Variants in MCUB observed in about 807,000 individuals in gnomAD.
MCUB encodes the protein calcium uniporter regulatory subunit MCUb, mitochondrial.
In MCUB, 46 loss-of-function variants were observed where a neutral mutation model predicts 41.4. The observed-to-expected ratio is 1.11, with a 90% confidence interval of 0.88 to 1.42. The LOEUF (loss-of-function observed/expected upper bound fraction) is 1.42, where lower values mean the gene tolerates loss of function less well. MCUB is among the 40% of genes most tolerant of loss of function. The pLI is 0.00. For synonymous variants in MCUB, 148 were observed against 148.2 expected (o/e 1.00, Z 0.01); for missense variants, 403 against 404.9 (o/e 1.00, Z 0.04).
rs759927967 is a variant in MCUB, at chr4:109,684,431, A to G, written c.613-12A>G. 2.5e-6 allele frequency: 4 copies of G among 1,589,244 alleles called. No individual in the cohort carries two copies. The South Asian group carries it at 4.6e-5, about 18-fold the overall frequency. On this transcript the variant is annotated splice_polypyrimidine_tract_variant and intron_variant, in intron 5 of 7. Transcript: ENST00000394650. ...TTGTAAACAGAATTAACAGTTTTTC[A>G]TTCCCCCTCAGGTGAAAGCTGGAAT...
chr4:109,678,250 T>C (rs1321855674), intron 4 of MCUB, among the ~76,000 whole-genome samples: 1 of 152,122 alleles, frequency 6.6e-6, no homozygotes, highest in Non-Finnish European at 1.5e-5. Flanking sequence ...CTGATCTCTC[T>C]TTCTTTTCCC....
At chr4:109,564,006 G>A (rs988414084) in intron 1 of MCUB, among the ~76,000 whole-genome samples, 2 of 152,202 alleles carry the variant, frequency 1.3e-5, no homozygotes, top group African/African-American at 4.8e-5. Flanking sequence ...ACCCTTGCCA[G>A]TCTTCAAGAT....
chr4:109,660,386 A>C, intron 3 of MCUB, 21 bp downstream of exon 3: 1 of 1,461,642 alleles, frequency 6.8e-7, no homozygotes, highest in Non-Finnish European at 9.4e-7. Flanking sequence ...ATATAATTTT[A>C]CAACTTTGTC....
intron 1 of MCUB, among the ~76,000 whole-genome samples, chr4:109,626,975 G>T (rs934735888): frequency 6.6e-6 from 1 of 152,038 alleles, no homozygotes; most frequent in Non-Finnish European, 1.5e-5. Flanking sequence ...ATTTTATTTG[G>T]AGATATTTGT....
At chr4:109,652,927 A>G (rs1369335840) in intron 1 of MCUB, among the ~76,000 whole-genome samples, 1 of 152,168 alleles carries the variant, frequency 6.6e-6, no homozygotes, top group African/African-American at 2.4e-5. Context: ...AGTGAACCAG[A>G]CCAAGTCCCT....
At chr4:109,661,535 A>G (rs1729231460) in intron 3 of MCUB, among the ~76,000 whole-genome samples, 1 of 152,226 alleles carries the variant, frequency 6.6e-6, no homozygotes, top group Non-Finnish European at 1.5e-5. Flanking sequence ...TGCAGAGAAC[A>G]AAAGGGATAA....
chr4:109,585,217 C>G (rs1052237092), intron 1 of MCUB, among the ~76,000 whole-genome samples: 1 of 152,144 alleles, frequency 6.6e-6, no homozygotes, highest in African/African-American at 2.4e-5. Flanking sequence ...TTCTTTGTCT[C>G]TTTTGATCTT....
intron 1 of MCUB, among the ~76,000 whole-genome samples, chr4:109,585,866 C>T (rs963724640): frequency 2.6e-5 from 4 of 152,176 alleles, no homozygotes; most frequent in Non-Finnish European, 5.9e-5. Context: ...ACCTTTCTGG[C>T]TGCCCTTAAC....
At chr4:109,666,550 G>A (rs1284234116) in intron 4 of MCUB, among the ~76,000 whole-genome samples, 1 of 141,558 alleles carries the variant, frequency 7.1e-6, no homozygotes, top group Non-Finnish European at 1.6e-5. Flanking sequence ...GATGTATGAT[G>A]ATGAGCATCT....
In MCUB at chr4:109,630,267, A is replaced by G. The variant is rs145650107; in HGVS notation, c.100-28744A>G. ...CTTGAGGCAGGAATTCAAGACCAGC[A>G]TGGTCAACATAGCAATACCTTGTCT... On this transcript the variant is annotated intron_variant, in intron 1 of 7. Coordinates refer to ENST00000394650, the MANE Select transcript of MCUB (RefSeq NM_017918.5). Among the ~76,000 whole-genome samples the G allele has an allele frequency of 8.7e-4, 132 of 152,258 alleles. 2 individuals carry two copies. In the East Asian group the frequency reaches 0.021, roughly 24 times the overall value.
intron 1 of MCUB, among the ~76,000 whole-genome samples, chr4:109,634,776 G>C (rs1341443971): frequency 6.6e-6 from 1 of 152,032 alleles, no homozygotes; most frequent in Non-Finnish European, 1.5e-5. Flanking sequence ...AAAGGAAAAG[G>C]GGTCCTTGGA....
At chr4:109,649,640 T>G (rs1728915128) in intron 1 of MCUB, among the ~76,000 whole-genome samples, 1 of 152,214 alleles carries the variant, frequency 6.6e-6, no homozygotes, top group Admixed American at 6.5e-5. Flanking sequence ...TCTTTTTTTT[T>G]CAGGCATTAT....
At chr4:109,649,248 C>G (rs1728907183) in intron 1 of MCUB, among the ~76,000 whole-genome samples, 1 of 152,150 alleles carries the variant, frequency 6.6e-6, no homozygotes, top group Non-Finnish European at 1.5e-5. Context: ...GCATTCTGTT[C>G]ATCCTGATTT....
In MCUB at chr4:109,659,100, C is replaced by A. The variant is rs1419701326; in HGVS notation, c.175+14C>A. ...TGCCACCTGATGGTAAGCTTTCTTA[C>A]CATTTATTTGATTCATATGTTAATT... On this transcript the variant is annotated intron_variant, in intron 2 of 7. Coordinates refer to ENST00000394650, the MANE Select transcript of MCUB (RefSeq NM_017918.5). 8.9e-6 allele frequency: 12 copies of A among 1,342,232 alleles called. No individual in the cohort carries two copies. The highest frequency in any genetic ancestry group is 1.3e-5 in the Non-Finnish European group (12 of 956,476). The allele number at this position is 1,342,232 out of a possible 1,614,324, so 83.1% of individuals were successfully genotyped here.
At chr4:109,661,948 G>A (rs536390761) in intron 3 of MCUB, among the ~76,000 whole-genome samples, 42 of 152,250 alleles carry the variant, frequency 2.8e-4, no homozygotes, top group African/African-American at 8.7e-4. Context: ...CAGGAGAATC[G>A]CTTGAACATG....
At chr4:109,639,928 G>A (rs1473210312) in intron 1 of MCUB, among the ~76,000 whole-genome samples, 1 of 152,192 alleles carries the variant, frequency 6.6e-6, no homozygotes, top group East Asian at 1.9e-4. Context: ...AAGCCTTGAA[G>A]TCAGGTGTCA....
intron 1 of MCUB, among the ~76,000 whole-genome samples, chr4:109,569,934 A>C (rs1726874683): frequency 6.6e-6 from 1 of 152,196 alleles, no homozygotes; most frequent in African/African-American, 2.4e-5. Context: ...AAGCAATATA[A>C]AGAAGTTCCG....
intron 1 of MCUB, among the ~76,000 whole-genome samples, chr4:109,574,675 G>A (rs377335540): frequency 1.3e-5 from 2 of 152,146 alleles, no homozygotes; most frequent in South Asian, 2.1e-4. Flanking sequence ...TATACAAGAC[G>A]TTAATAACCA....
chr4:109,681,580 C>T, intron 4 of MCUB: 1 of 358,088 alleles, frequency 2.8e-6, no homozygotes, highest in Non-Finnish European at 5.6e-6. Context: ...TGCAGTGTTA[C>T]AGCTCTATTA....
Sources: allele counts gnomAD v4.1 joint callset (sites outside exome capture counted in the v4.1 genomes callset), GRCh38; gene constraint gnomAD v4.1.1; transcripts MANE v1.5; gene names NCBI Gene and HGNC (gene_info 2026-07-23, HGNC 2026-07-21).